Variants in TSGA10 observed in about 807,000 individuals in gnomAD.
TSGA10 encodes the protein testis specific 10.
A neutral mutation model predicts 96.6 loss-of-function variants in TSGA10; 43 were observed. The observed-to-expected ratio is 0.44, with a 90% CI of 0.35 to 0.57. TSGA10 has a LOEUF of 0.57. TSGA10 is among the 20% of genes least tolerant of loss of function. The probability of loss-of-function intolerance (pLI) is 0.01; values close to 1 mark genes in which losing one functional copy is unlikely to be tolerated. For synonymous variants in TSGA10, 229 were observed against 269.9 expected (o/e 0.85, Z 1.48); for missense variants, 703 against 834.4 (o/e 0.84, Z 1.94).
chr2:99,023,462 G>GTGAATACATATATATATA, intron 17 of TSGA10, among the ~76,000 whole-genome samples: 1 of 151,518 alleles, frequency 6.6e-6, no homozygotes, highest in Admixed American at 6.6e-5. Context: ...TGTTTTTGAT[G>GTGAATACATATATATATA]TGTATTTAAG....
At chr2:99,122,502 G>A (rs979200755) in intron 2 of TSGA10, among the ~76,000 whole-genome samples, 4 of 151,088 alleles carry the variant, frequency 2.6e-5, no homozygotes, top group Non-Finnish European at 5.9e-5. Flanking sequence ...AATTTGAATC[G>A]GAGTAGTGGC....
chr2:99,094,379 G>A (rs2089763867), intron 10 of TSGA10, among the ~76,000 whole-genome samples: 1 of 151,810 alleles, frequency 6.6e-6, no homozygotes, highest in South Asian at 2.1e-4. Context: ...AAAGCAAATG[G>A]AACAAAAACA....
At chr2:99,098,920 T>C (rs562074212) in intron 10 of TSGA10, among the ~76,000 whole-genome samples, 4 of 152,348 alleles carry the variant, frequency 2.6e-5, no homozygotes, top group Admixed American at 6.5e-5. Flanking sequence ...TCCAATCTTA[T>C]ACAAACTGTT....
intron 10 of TSGA10, among the ~76,000 whole-genome samples, chr2:99,087,502 G>A (rs547230774): frequency 6.6e-6 from 1 of 152,166 alleles, no homozygotes. Context: ...GTAAAACGCC[G>A]TCTGAACAAA....
intron 17 of TSGA10, among the ~76,000 whole-genome samples, chr2:99,030,920 C>T (rs999900060): frequency 3.3e-5 from 5 of 151,618 alleles, no homozygotes; most frequent in African/African-American, 1.2e-4. Flanking sequence ...GTTAATTCTC[C>T]CCAAGTTAAT....
chr2:99,132,628 G>T (rs1047036144), intron 1 of TSGA10, among the ~76,000 whole-genome samples: 2 of 152,036 alleles, frequency 1.3e-5, no homozygotes, highest in African/African-American at 4.8e-5. Flanking sequence ...TCTGATCTTA[G>T]TTACTTCTTA....
chr2:99,127,265 A>C, intron 1 of TSGA10, 89 bp from the exon 2 acceptor site: 1 of 1,026,810 alleles, frequency 9.7e-7, no homozygotes, highest in Non-Finnish European at 1.2e-6. Flanking sequence ...AAAATTGATA[A>C]TATTCTTAGA....
chr2:99,040,055 T>C (rs1167638523), intron 16 of TSGA10, among the ~76,000 whole-genome samples: 2 of 152,030 alleles, frequency 1.3e-5, no homozygotes, highest in African/African-American at 4.8e-5. Context: ...ACAAAACATA[T>C]GACAAACTCC....
chr2:99,145,963 C>G (rs1224770818), intron 1 of TSGA10, among the ~76,000 whole-genome samples: 3 of 152,046 alleles, frequency 2.0e-5, no homozygotes, highest in Admixed American at 2.0e-4. Flanking sequence ...GACACCCTGT[C>G]TCTACAAAAA....
chr2:99,037,760 G>C (rs141910170), intron 16 of TSGA10, among the ~76,000 whole-genome samples: 2 of 152,268 alleles, frequency 1.3e-5, no homozygotes, highest in African/African-American at 4.8e-5. Context: ...TGAGGCAGAA[G>C]AATCATGTGA....
chr2:99,070,519 GT>G (rs2104506515), intron 14 of TSGA10, among the ~76,000 whole-genome samples: 1 of 152,156 alleles, frequency 6.6e-6, no homozygotes, highest in East Asian at 1.9e-4. Flanking sequence ...AAATATAACA[GT>G]AACTGAGTAT....
intron 3 of TSGA10, among the ~76,000 whole-genome samples, chr2:99,118,057 T>C (rs960722636): frequency 2.0e-5 from 3 of 152,188 alleles, no homozygotes; most frequent in Non-Finnish European, 4.4e-5. Context: ...TGGCCAAATA[T>C]TTATATCTGC....
chr2:99,043,378 C>A (rs1350336422), intron 16 of TSGA10, among the ~76,000 whole-genome samples: 1 of 151,790 alleles, frequency 6.6e-6, no homozygotes, highest in Non-Finnish European at 1.5e-5. Flanking sequence ...AATGAACAAA[C>A]CTCCGAAAAA....
At chr2:99,021,932 T>C (rs934513065) in intron 17 of TSGA10, among the ~76,000 whole-genome samples, 2 of 152,172 alleles carry the variant, frequency 1.3e-5, no homozygotes, top group African/African-American at 4.8e-5. Flanking sequence ...CAATAGCTTT[T>C]TTGAAATATA....
intron 16 of TSGA10, among the ~76,000 whole-genome samples, chr2:99,056,108 G>C (rs1160158888): frequency 1.3e-5 from 2 of 151,900 alleles, no homozygotes; most frequent in Admixed American, 6.6e-5. Context: ...GCGAGGCTGA[G>C]GCAGGAATAT....
chr2:99,111,676 C>T (rs1377452659), intron 4 of TSGA10, among the ~76,000 whole-genome samples: 8 of 152,044 alleles, frequency 5.3e-5, no homozygotes, highest in Admixed American at 5.2e-4. Flanking sequence ...TTAAGGGGTG[C>T]TATTATTTGC....
intron 16 of TSGA10, among the ~76,000 whole-genome samples, chr2:99,051,229 C>T (rs966975319): frequency 2.0e-5 from 3 of 152,094 alleles, no homozygotes; most frequent in Admixed American, 1.3e-4. Context: ...CAAGGTTCAA[C>T]TATATGCTGT....
At chr2:99,027,861 T>C (rs1239349107) in intron 17 of TSGA10, among the ~76,000 whole-genome samples, 1 of 152,242 alleles carries the variant, frequency 6.6e-6, no homozygotes, top group East Asian at 1.9e-4. Context: ...ATTTTTGTTG[T>C]TGAAAACCAG....
intron 1 of TSGA10, among the ~76,000 whole-genome samples, chr2:99,133,473 G>A (rs2093190440): frequency 6.6e-6 from 1 of 152,096 alleles, no homozygotes; most frequent in South Asian, 2.1e-4. Context: ...TTGAGCCTAT[G>A]TGTGTCTTTG....
Sources: gnomAD v4.1 joint callset for allele counts (sites outside exome capture counted in the v4.1 genomes callset) on GRCh38, gnomAD v4.1.1 for gene constraint, MANE v1.5 for transcripts, NCBI Gene and HGNC (gene_info 2026-07-23, HGNC 2026-07-21) for gene names.